Variants in KIAA1217 observed in about 807,000 individuals in gnomAD.
The protein encoded by KIAA1217 is sickle tail protein homolog.
In KIAA1217, 88 loss-of-function variants were observed where a neutral mutation model predicts 163.9. That is an observed-to-expected ratio of 0.54 (90% CI 0.45 to 0.64). The LOEUF (loss-of-function observed/expected upper bound fraction) is 0.64, where lower values mean the gene tolerates loss of function less well. Ranked by LOEUF, KIAA1217 falls within the 30% of genes least tolerant of loss-of-function variation. The probability of loss-of-function intolerance (pLI) is 0.00; values close to 1 mark genes in which losing one functional copy is unlikely to be tolerated. For missense variants in KIAA1217, 2,372 were observed against 2,475.0 expected (o/e 0.96, Z 0.88); for synonymous variants, 903 against 923.1 (o/e 0.98, Z 0.39).
chr10:24,516,186 AC>A (rs1489229146), intron 10 of KIAA1217, among the ~76,000 whole-genome samples: 1 of 152,218 alleles, frequency 6.6e-6, no homozygotes, highest in African/African-American at 2.4e-5. Flanking sequence ...AGGCAGTAGA[AC>A]CCTGCAAACC....
At chr10:24,012,670 T>A (rs1177250474) in intron 2 of KIAA1217, among the ~76,000 whole-genome samples, 1 of 152,156 alleles carries the variant, frequency 6.6e-6, no homozygotes, top group Non-Finnish European at 1.5e-5. Context: ...GGGACTTTTT[T>A]AAAAGGCAGA....
chr10:24,001,069 AACAC>A (rs35481656), intron 1 of KIAA1217, among the ~76,000 whole-genome samples: 13 of 149,308 alleles, frequency 8.7e-5, no homozygotes, highest in South Asian at 6.4e-4. Context: ...CTGCAAAGTA[AACAC>A]ACACACACAC....
intron 2 of KIAA1217, among the ~76,000 whole-genome samples, chr10:24,356,333 A>G (rs1034677345): frequency 3.1e-4 from 47 of 152,298 alleles, no homozygotes; most frequent in African/African-American, 1.1e-3. Flanking sequence ...TCAAAGTAAA[A>G]CAGCATCGAA....
intron 1 of KIAA1217, among the ~76,000 whole-genome samples, chr10:23,846,093 A>G (rs1839014055): frequency 6.6e-6 from 1 of 151,920 alleles, no homozygotes. Flanking sequence ...TGGTCTATAT[A>G]ACTGTTTTGG....
In KIAA1217 at chr10:23,817,984, TATATATATATATATATATATA is replaced by T. The variant is rs1564447638; in HGVS notation, c.-321+122751_-321+122771del. 8.4e-4 allele frequency among the ~76,000 whole-genome samples: 98 copies of T among 116,472 alleles called. 2 individuals carry two copies. The South Asian group carries it at 0.027, about 32-fold the overall frequency. The allele number at this position is 116,472 out of a possible 152,430, so 76.4% of individuals were successfully genotyped here. ...GCACATATATATATATATATATATA[TATATATATATATATATATATA>T]TATACACACATATATATACACACAT... On this transcript the variant is annotated intron_variant, in intron 1 of 18. Coordinates refer to the KIAA1217 transcript ENST00000376462.
At chr10:24,544,625 T>C (rs1188215062) in intron 19 of KIAA1217, 144 bp downstream of exon 19, 4 of 953,012 alleles carry the variant, frequency 4.2e-6, no homozygotes, top group Non-Finnish European at 6.1e-6. Context: ...GAAACCCTTC[T>C]TTCATACTTT....
At chr10:24,188,675 A>G (rs1420396136) in intron 2 of KIAA1217, among the ~76,000 whole-genome samples, 1 of 151,822 alleles carries the variant, frequency 6.6e-6, no homozygotes, top group Non-Finnish European at 1.5e-5. Context: ...TTAAAGAATC[A>G]AGTGTAACGT....
At chr10:23,728,484 T>C (rs780395997) in intron 1 of KIAA1217, among the ~76,000 whole-genome samples, 1 of 151,042 alleles carries the variant, frequency 6.6e-6, no homozygotes, top group Non-Finnish European at 1.5e-5. Flanking sequence ...TGTCTGTTCA[T>C]ATCCTTTGCC....
intron 2 of KIAA1217, among the ~76,000 whole-genome samples, chr10:24,294,389 G>A (rs1380839592): frequency 6.6e-6 from 1 of 151,938 alleles, no homozygotes; most frequent in Non-Finnish European, 1.5e-5. Flanking sequence ...CTTTCAACAG[G>A]TAGTGGTTTA....
chr10:24,111,871 G>C (rs369575670), intron 2 of KIAA1217, among the ~76,000 whole-genome samples: 1 of 152,180 alleles, frequency 6.6e-6, no homozygotes, highest in African/African-American at 2.4e-5. Flanking sequence ...GGACTTAAAA[G>C]ATCCTCCTTC....
At chr10:23,892,260 T>C (rs1231722711) in intron 1 of KIAA1217, among the ~76,000 whole-genome samples, 2 of 152,008 alleles carry the variant, frequency 1.3e-5, no homozygotes, top group African/African-American at 4.8e-5. Flanking sequence ...TTAAATATTA[T>C]ATGTCAGATA....
intron 2 of KIAA1217, among the ~76,000 whole-genome samples, chr10:24,341,086 G>T (rs1206543372): frequency 6.6e-6 from 1 of 151,968 alleles, no homozygotes; most frequent in Non-Finnish European, 1.5e-5. Flanking sequence ...AGTCCATATG[G>T]ATTAGATCTG....
intron 6 of KIAA1217, among the ~76,000 whole-genome samples, chr10:24,483,498 A>G (rs550575521): frequency 6.6e-6 from 1 of 152,348 alleles, no homozygotes; most frequent in South Asian, 2.1e-4. Context: ...TAACTAAGAC[A>G]AAACAAAAAG....
chr10:23,888,183 A>C (rs1383191146), intron 1 of KIAA1217, among the ~76,000 whole-genome samples: 2 of 151,946 alleles, frequency 1.3e-5, no homozygotes, highest in Non-Finnish European at 2.9e-5. Context: ...CAGCTTACTA[A>C]ACTACCTCTG....
chr10:23,852,799 T>C (rs940962253), intron 1 of KIAA1217, among the ~76,000 whole-genome samples: 3 of 152,216 alleles, frequency 2.0e-5, no homozygotes, highest in African/African-American at 4.8e-5. Flanking sequence ...AGTTCACTCA[T>C]GATTTGGCTC....
rs2074111002 is a variant in KIAA1217 at position 24,536,959 on chromosome 10, A to T, written c.3534+66A>T. The stretch of plus-strand genomic sequence containing the variant: ...CTTCCTTCCTTGCTCTGACACTAAC[A>T]CGGCTCTTATACTCGACCTTTGTCC... On this transcript the variant is annotated intron_variant, in intron 17 of 20. Transcript: ENST00000376454. 3.8e-6 allele frequency: 6 copies of T among 1,587,198 alleles called. No individual in the cohort carries two copies. The South Asian group carries it at 5.6e-5, about 15-fold the overall frequency.
At chr10:24,043,624 G>A (rs1487131299) in intron 2 of KIAA1217, among the ~76,000 whole-genome samples, 1 of 152,102 alleles carries the variant, frequency 6.6e-6, no homozygotes, top group Non-Finnish European at 1.5e-5. Flanking sequence ...AGAAGTGGCT[G>A]AATAGAATGA....
intron 3 of KIAA1217, among the ~76,000 whole-genome samples, chr10:24,396,399 C>G (rs74919271): frequency 0.018 from 2,710 of 152,220 alleles, 96 homozygotes; most frequent in African/African-American, 0.061. Flanking sequence ...CTTAATAAAA[C>G]AGCCACAAAC....
chr10:23,710,782 C>T (rs1428795178), intron 1 of KIAA1217, among the ~76,000 whole-genome samples: 3 of 152,038 alleles, frequency 2.0e-5, no homozygotes, highest in Non-Finnish European at 4.4e-5. Context: ...GAAACAAATG[C>T]CATTACAAAA....
Sources: allele counts gnomAD v4.1 joint callset (sites outside exome capture counted in the v4.1 genomes callset), GRCh38; gene constraint gnomAD v4.1.1; transcripts MANE v1.5; gene names NCBI Gene and HGNC (gene_info 2026-07-23, HGNC 2026-07-21).